Variants in FGF14 observed in about 807,000 individuals in gnomAD.
FGF14 encodes fibroblast growth factor homologous factor 4.
FGF14 carries 5 observed loss-of-function variants against 25.5 expected under a neutral mutation model. The observed-to-expected ratio is 0.20, with a 90% CI of 0.10 to 0.41. The LOEUF is 0.41. Among genes scored for constraint, FGF14 ranks in the 10% least tolerant of loss-of-function variants. FGF14 has a pLI of 1.00. For synonymous variants in FGF14, 138 were observed against 118.3 expected, an observed-to-expected ratio of 1.17 and a Z score of -1.08; for missense variants, 222 against 320.1, an observed-to-expected ratio of 0.69 and a Z score of 2.34.
At chr13:102,329,681 G>A (rs2056574034) in intron 1 of FGF14, among the ~76,000 whole-genome samples, 1 of 152,082 alleles carries the variant, frequency 6.6e-6, no homozygotes, top group African/African-American at 2.4e-5. Context: ...GCTCAGACCT[G>A]TGGATGTATC....
chr13:102,304,671 A>G (rs1238733552), intron 1 of FGF14, among the ~76,000 whole-genome samples: 1 of 152,154 alleles, frequency 6.6e-6, no homozygotes, highest in Non-Finnish European at 1.5e-5. Context: ...CACTTAGATT[A>G]TTCTCTCTGG....
intron 3 of FGF14, among the ~76,000 whole-genome samples, chr13:101,748,764 A>C (rs2037066889): frequency 6.6e-6 from 1 of 150,510 alleles, no homozygotes; most frequent in Non-Finnish European, 1.5e-5. Context: ...AAAAAAAAAA[A>C]AAAAAAAAAA....
At chr13:101,983,754 C>T (rs754202357) in intron 1 of FGF14, among the ~76,000 whole-genome samples, 1 of 152,156 alleles carries the variant, frequency 6.6e-6, no homozygotes, top group Non-Finnish European at 1.5e-5. Flanking sequence ...CAGGGCCGTG[C>T]TGAGGCATTT....
At position 102,026,876 on chromosome 13, in the gene FGF14, A is replaced by T. The variant is rs148097430; in HGVS notation, c.209-151580T>A. ...TCACTATATAACACAACCAGATTTCACTTAGAATTGAACCCAGTGAAAGAC... is the reference window on the plus strand; with the variant it reads ...TCACTATATAACACAACCAGATTTCTCTTAGAATTGAACCCAGTGAAAGAC... On this transcript the variant is annotated intron_variant, in intron 1 of 4. Transcript: ENST00000376131. Among the ~76,000 whole-genome samples, 643 of 152,118 alleles carry T rather than the reference A, an allele frequency of 4.2e-3. 3 individuals are homozygous for T. The highest frequency in any genetic ancestry group is 0.015 in the African/African-American group (617 of 41,554).
intron 3 of FGF14, among the ~76,000 whole-genome samples, chr13:101,754,926 A>G (rs2037543162): frequency 6.6e-6 from 1 of 152,202 alleles, no homozygotes. Flanking sequence ...AATGCTAAGT[A>G]GAATACACTT....
intron 3 of FGF14, among the ~76,000 whole-genome samples, chr13:101,796,563 AG>A (rs1458214742): frequency 4.6e-5 from 7 of 152,030 alleles, no homozygotes; most frequent in Non-Finnish European, 1.0e-4. Flanking sequence ...AGGGTCTTAA[AG>A]GGGCAATTAA....
intron 1 of FGF14, among the ~76,000 whole-genome samples, chr13:102,126,963 T>C (rs1239721776): frequency 5.9e-5 from 9 of 152,180 alleles, no homozygotes; most frequent in Admixed American, 2.6e-4. Context: ...AGGGCCACAA[T>C]GGCTAGAACA....
intron 1 of FGF14, among the ~76,000 whole-genome samples, chr13:102,146,279 T>G (rs956243294): frequency 2.6e-5 from 4 of 152,232 alleles, no homozygotes; most frequent in Non-Finnish European, 5.9e-5. Context: ...CACTAGCTGA[T>G]GAAGGTCAGT....
rs1395427788 is a variant in FGF14 at position 102,169,633 on chromosome 13, A to C, written c.208+231838T>G. Among the ~76,000 whole-genome samples the C allele has an allele frequency of 2.0e-5, 3 of 152,228 alleles. No individual in the cohort carries two copies. In the East Asian group the frequency reaches 5.8e-4, roughly 29 times the overall value. On this transcript the variant is annotated intron_variant, in intron 1 of 4. Coordinates refer to the FGF14 transcript ENST00000376131. Reference sequence around the variant, plus strand: ...TTTGCAAATTTACAGGACTGTATGAAGATGCGCACATGTTAAAGAAGTGGG... The same window carrying C: ...TTTGCAAATTTACAGGACTGTATGACGATGCGCACATGTTAAAGAAGTGGG...
chr13:101,735,507 A>T (rs1183168331), intron 3 of FGF14, among the ~76,000 whole-genome samples: 1 of 152,164 alleles, frequency 6.6e-6, no homozygotes. Context: ...TTTTAAAAAG[A>T]GTTTTTAAGA....
chr13:101,731,065 G>A (rs536103694), intron 3 of FGF14, among the ~76,000 whole-genome samples: 20 of 152,074 alleles, frequency 1.3e-4, no homozygotes, highest in African/African-American at 4.6e-4. Context: ...TGGGTCAAGG[G>A]GCCACAGGGA....
rs1446601617 is a variant in FGF14, at chr13:101,985,079, TG to T, written c.209-109784del. On this transcript the variant is annotated intron_variant, in intron 1 of 4. Coordinates refer to the FGF14 transcript ENST00000376131. The stretch of plus-strand genomic sequence containing the variant: ...GCCATGAATTCAAGGGTTTTTTTTT[TG>T]TTTTTTTTTTTTTTGCCACAACAGC... Among the ~76,000 whole-genome samples, 216 of 111,570 alleles carry T rather than the reference TG, an allele frequency of 1.9e-3. 1 individual carries two copies. Among genetic ancestry groups the T allele is most frequent in the African/African-American group, 7.5e-3 (156 of 20,900 alleles). The allele number at this position is 111,570 out of a possible 152,430, so 73.2% of individuals were successfully genotyped here. A position where few individuals can be genotyped will look rare whatever the true frequency, so the allele number is the denominator to read the frequency against.
At chr13:102,166,286 T>C (rs2048007410) in intron 1 of FGF14, among the ~76,000 whole-genome samples, 2 of 152,114 alleles carry the variant, frequency 1.3e-5, no homozygotes, top group African/African-American at 2.4e-5. Flanking sequence ...TTATATTTAG[T>C]TTTATTACTT....
At chr13:102,042,645 TA>T (rs113136573) in intron 1 of FGF14, among the ~76,000 whole-genome samples, 9,879 of 151,842 alleles carry the variant, frequency 0.065, 653 homozygotes, top group African/African-American at 0.17. Context: ...AGCACAAAGG[TA>T]AAAAAAAGAC....
chr13:101,802,985 A>G (rs1211038008), intron 3 of FGF14, among the ~76,000 whole-genome samples: 1 of 152,150 alleles, frequency 6.6e-6, no homozygotes, highest in Non-Finnish European at 1.5e-5. Context: ...TGCCACTGCA[A>G]TGGGCCCCCA....
At chr13:101,747,518 G>T (rs1247138617) in intron 3 of FGF14, among the ~76,000 whole-genome samples, 1 of 151,946 alleles carries the variant, frequency 6.6e-6, no homozygotes, top group Non-Finnish European at 1.5e-5. Flanking sequence ...AAGACTGCAG[G>T]TAGACTAGGA....
intron 1 of FGF14, among the ~76,000 whole-genome samples, chr13:102,282,854 T>TAAA (rs764944154): frequency 1.4e-5 from 2 of 138,770 alleles, no homozygotes; most frequent in South Asian, 4.8e-4. Context: ...GTCATGCAAT[T>TAAA]AAAAAAAAAA....
rs549097953 is a variant in FGF14, at chr13:102,006,780, C to T, written c.209-131484G>A. Among the ~76,000 whole-genome samples, 17 of 129,632 alleles carry T rather than the reference C, an allele frequency of 1.3e-4. 1 individual carries two copies. The South Asian group carries it at 4.1e-3, about 32-fold the overall frequency. 85.0% of individuals were successfully genotyped at this position (129,632 alleles called of 152,430 possible). A position where few individuals can be genotyped will look rare whatever the true frequency, so the allele number is the denominator to read the frequency against. ...TGAGACGGAGTCTCGCTCTGTCGCC[C>T]AGGTCGGACTGCGGACTGCAGTGGC... On this transcript the variant is annotated intron_variant, in intron 1 of 4. Coordinates refer to the FGF14 transcript ENST00000376131.
At chr13:102,027,246 C>T (rs1438441691) in intron 1 of FGF14, among the ~76,000 whole-genome samples, 1 of 151,328 alleles carries the variant, frequency 6.6e-6, no homozygotes, top group Non-Finnish European at 1.5e-5. Context: ...CATACACACA[C>T]ACATATATTT....
Sources: allele counts gnomAD v4.1 joint callset (sites outside exome capture counted in the v4.1 genomes callset), GRCh38; gene constraint gnomAD v4.1.1; transcripts MANE v1.5; gene names NCBI Gene and HGNC (gene_info 2026-07-23, HGNC 2026-07-21).